COPB2: variants seen among roughly 807,000 people sequenced by gnomAD.
The protein encoded by COPB2 is coat protein complex I subunit beta 2, also known as coatomer subunit beta'.
Under a neutral mutation model 120.8 loss-of-function variants are expected in COPB2, and 16 were observed. The observed-to-expected ratio is 0.13, with a 90% CI of 0.09 to 0.20. COPB2 has a LOEUF of 0.20. Ranked by LOEUF, COPB2 falls within the 10% of genes least tolerant of loss-of-function variation. The pLI is 1.00. For synonymous variants in COPB2, 332 were observed against 366.3 expected, an observed-to-expected ratio of 0.91 and a Z score of 1.07; for missense variants, 794 against 1,076.5, an observed-to-expected ratio of 0.74 and a Z score of 3.67.
In COPB2 at chr3:139,375,525, G is replaced by C. The variant is rs200624793; in HGVS notation, c.594C>G (p.Asp198Glu). ...CTGCACCTGAAATGAGGTATGGCTT[G>C]TCCCCACCACTGTAGTAATCAATGC... ...VNCIDYYSGG[D>E]KPYLISGADD... is the part of the protein sequence containing the mutation. The change falls in exon 6 of 22, where the codon GAC becomes GAG. Residue 198 changes from aspartate (D) to glutamate (E), a missense_variant. Around this residue, in one of 3 missense-constraint regions of COPB2, gnomAD observed 610 missense variants for 866.7 expected, o/e 0.70. Coordinates refer to ENST00000333188, the MANE Select transcript of COPB2 (RefSeq NM_004766.3). The C allele has an allele frequency of 1.3e-6, 2 of 1,589,780 alleles. No homozygotes were observed. The highest frequency in any genetic ancestry group is 1.7e-6 in the Non-Finnish European group (2 of 1,171,386).
chr3:139,358,709 T>G (rs1276287902), intron 20 of COPB2, 35 bp downstream of exon 20: 8 of 1,463,930 alleles, frequency 5.5e-6, no homozygotes, highest in Non-Finnish European at 7.6e-6. Context: ...GTGAACCATC[T>G]CAGCCAAATT....
At chr3:139,373,499 G>A in intron 8 of COPB2, 87 bp from the exon 9 acceptor site, 2 of 1,527,120 alleles carry the variant, frequency 1.3e-6, no homozygotes, top group Non-Finnish European at 1.8e-6. Flanking sequence ...ACCTAACAGA[G>A]AGCTCCATTT....
chr3:139,378,608 A>G (rs1941757538), intron 4 of COPB2, among the ~76,000 whole-genome samples: 1 of 152,216 alleles, frequency 6.6e-6, no homozygotes, highest in Admixed American at 6.5e-5. Flanking sequence ...TAATTTAAAA[A>G]CATTTCAAAG....
chr3:139,358,879 C>T, intron 19 of COPB2, 67 bp from the exon 20 acceptor site: 2 of 1,568,294 alleles, frequency 1.3e-6, no homozygotes, highest in Non-Finnish European at 1.8e-6. Context: ...TGAACTTGGC[C>T]TAAATCCCAG....
At position 139,357,582 on chromosome 3, in the gene COPB2, G is replaced by A; in HGVS notation, c.*281C>T. The A allele has an allele frequency of 3.7e-6, 1 of 269,010 alleles. No homozygotes were observed. The highest frequency in any genetic ancestry group is 6.7e-5 in the East Asian group (1 of 14,964). 16.7% of individuals were successfully genotyped at this position (269,010 alleles called of 1,614,324 possible). ...TTTTCATTATTGAGAAAGGAAACAA[G>A]TACCTTCATTAATTCAAAAGGTTTT... is the stretch of plus-strand genomic sequence containing the variant. On this transcript the variant is annotated 3_prime_UTR_variant, in exon 22 of 22. Transcript: ENST00000333188.
rs756899059 is a variant in COPB2, at chr3:139,369,347, A to G, written c.1315T>C (p.Leu439=). 2.1e-5 allele frequency: 34 copies of G among 1,613,558 alleles called. No individual in the cohort carries two copies. The highest frequency in any genetic ancestry group is 1.2e-4 in the African/African-American group (9 of 74,908). Residue 439 remains leucine, a synonymous_variant, in exon 12 of 22, where the codon TTG becomes CTG. Transcript: ENST00000333188. ...AAGCCATTTACAGATCTGACTCCCAATAAGAAGCCGCCGTAGATACCTAAA... is the reference window on the plus strand; with the variant it reads ...AAGCCATTTACAGATCTGACTCCCAGTAAGAAGCCGCCGTAGATACCTAAA... ...GAESIYGGFL[L]GVRSVNGLAF...
intron 20 of COPB2, 45 bp downstream of exon 20, chr3:139,358,699 G>T (rs1355930136): frequency 2.3e-6 from 3 of 1,294,418 alleles, no homozygotes; most frequent in Non-Finnish European, 3.3e-6. Context: ...AAAAAAAAAA[G>T]TGAACCATCT....
intron 5 of COPB2, among the ~76,000 whole-genome samples, chr3:139,376,705 ATTTAT>A (rs1268346576): frequency 1.3e-5 from 2 of 152,354 alleles, no homozygotes; most frequent in Admixed American, 6.5e-5. Flanking sequence ...GCAAAAGTTA[ATTTAT>A]TTTAAGTCAA....
chr3:139,374,470 A>G lies in COPB2; in HGVS notation c.751+19T>C. The G allele has an allele frequency of 1.2e-6, 2 of 1,603,394 alleles. No individual in the cohort carries two copies. Among genetic ancestry groups the G allele is most frequent in the Non-Finnish European group, 1.7e-6 (2 of 1,170,250 alleles). ...TGAGTAGTTACTAGCACAGGAATAA[A>G]CATACCCTTCTAACTTACCATCTTC... On this transcript the variant is annotated intron_variant, in intron 7 of 21. Coordinates refer to ENST00000333188, the MANE Select transcript of COPB2 (RefSeq NM_004766.3).
At chr3:139,371,900 T>A in intron 9 of COPB2, 67 bp from the exon 10 acceptor site, 1 of 1,073,016 alleles carries the variant, frequency 9.3e-7, no homozygotes, top group Non-Finnish European at 1.4e-6. Context: ...TAAGGAACAA[T>A]AATTCATGTT....
At chr3:139,382,990 C>T in intron 2 of COPB2, 1 of 315,150 alleles carries the variant, frequency 3.2e-6, no homozygotes, top group Non-Finnish European at 5.9e-6. Flanking sequence ...GAATGGAAAA[C>T]TAACGATTAA....
At chr3:139,365,797 A>G (rs1941504323) in intron 15 of COPB2, among the ~76,000 whole-genome samples, 1 of 152,200 alleles carries the variant, frequency 6.6e-6, no homozygotes, top group African/African-American at 2.4e-5. Flanking sequence ...AAAACAAACA[A>G]TTGCAGGAAA....
At chr3:139,385,908 A>G (rs1007698552) in intron 1 of COPB2, among the ~76,000 whole-genome samples, 2 of 152,190 alleles carry the variant, frequency 1.3e-5, no homozygotes, top group African/African-American at 4.8e-5. Flanking sequence ...ACAACCTAAA[A>G]GCTCATTTGG....
chr3:139,362,233 G>A (rs1196583749), intron 16 of COPB2, among the ~76,000 whole-genome samples, 174 bp downstream of exon 16: 1 of 152,118 alleles, frequency 6.6e-6, no homozygotes, highest in Non-Finnish European at 1.5e-5. Flanking sequence ...TTTAACTTAT[G>A]CAAAGTTTAA....
In COPB2 at chr3:139,383,406, T is replaced by C; in HGVS notation, c.33A>G (p.Leu11=). The C allele has an allele frequency of 6.4e-7, 1 of 1,574,622 alleles. No individual in the cohort carries two copies. The highest frequency in any genetic ancestry group is 8.6e-7 in the Non-Finnish European group (1 of 1,161,746). MPLRLDIKRK[L]TARSDRVKSV... ...TCTTAACTCGATCAGATCTAGCAGT[T>C]AGCTTTCTTTTGATATCAAGTCGCA... The change falls in exon 2 of 22, where the codon CTA becomes CTG. Residue 11 remains leucine, a synonymous_variant. Transcript: ENST00000333188.
At chr3:139,386,999 G>A (rs1311936911) in intron 1 of COPB2, among the ~76,000 whole-genome samples, 1 of 145,494 alleles carries the variant, frequency 6.9e-6, no homozygotes, top group Admixed American at 7.0e-5. Context: ...AGGAGTTTGA[G>A]ACCAGCCTGG....
intron 13 of COPB2, 40 bp from the exon 14 acceptor site, chr3:139,367,185 T>A: frequency 2.5e-6 from 4 of 1,600,376 alleles, no homozygotes; most frequent in Non-Finnish European, 8.5e-7. Flanking sequence ...TTATCCAACA[T>A]CAGAAATCTC....
intron 2 of COPB2, chr3:139,379,779 CTTG>C (rs1941775215): frequency 1.5e-5 from 4 of 271,154 alleles, no homozygotes; most frequent in Non-Finnish European, 2.8e-5. Flanking sequence ...CACCTCTGCT[CTTG>C]TTGTCTCTGA....
At chr3:139,367,548 A>T (rs1171429609) in intron 13 of COPB2, among the ~76,000 whole-genome samples, 1 of 152,098 alleles carries the variant, frequency 6.6e-6, no homozygotes. Context: ...TCGGCCTCCC[A>T]AAGTGCTGGG....
Sources: allele counts gnomAD v4.1 joint callset (sites outside exome capture counted in the v4.1 genomes callset), GRCh38; gene constraint gnomAD v4.1.1; regional missense constraint gnomAD v4.1.1; transcripts MANE v1.5; gene names NCBI Gene and HGNC (gene_info 2026-07-23, HGNC 2026-07-21).